Variants in PARD3B observed in about 807,000 individuals in gnomAD.
The protein encoded by PARD3B is partitioning defective 3 homolog B.
PARD3B carries 103 observed loss-of-function variants against 130.2 expected under a neutral mutation model. The ratio of observed to expected loss-of-function variants is 0.79; its 90% CI spans 0.67 to 0.93. The LOEUF (loss-of-function observed/expected upper bound fraction) is 0.93, where lower values mean the gene tolerates loss of function less well. PARD3B is among the 40% of genes least tolerant of loss of function. PARD3B has a pLI of 0.00. For missense variants in PARD3B, 1,609 were observed against 1,499.2 expected, an observed-to-expected ratio of 1.07 and a Z score of -1.21; for synonymous variants, 583 against 553.2, an observed-to-expected ratio of 1.05 and a Z score of -0.76.
chr2:205,502,573 T>G (rs2050196284), intron 21 of PARD3B, among the ~76,000 whole-genome samples: 1 of 152,100 alleles, frequency 6.6e-6, no homozygotes, highest in South Asian at 2.1e-4. Context: ...CTCCCCCAAG[T>G]CCAGAGTCTC....
chr2:205,496,945 C>T lies in PARD3B; in HGVS notation c.3045-2951C>T, dbSNP rs150034556. Among the ~76,000 whole-genome samples the T allele has an allele frequency of 9.6e-4, 145 of 151,572 alleles. 2 individuals are homozygous for T. Among genetic ancestry groups the T allele is most frequent in the African/African-American group, 3.3e-3 (138 of 41,344 alleles). The stretch of plus-strand genomic sequence containing the variant: ...ATTGAACTCATCTGGTGAGTTTGAA[C>T]GCAGCTCATGAATTTCCGTAATCGA... On this transcript the variant is annotated intron_variant, in intron 20 of 22. Transcript: ENST00000406610.
chr2:205,243,869 G>A (rs527782276), intron 15 of PARD3B, among the ~76,000 whole-genome samples: 2 of 152,264 alleles, frequency 1.3e-5, no homozygotes, highest in Admixed American at 6.5e-5. Context: ...AAAGTGCATA[G>A]CATAAAACCT....
intron 18 of PARD3B, among the ~76,000 whole-genome samples, chr2:205,390,287 A>C (rs1014257142): frequency 5.9e-5 from 9 of 151,702 alleles, no homozygotes; most frequent in African/African-American, 2.2e-4. Context: ...TATATTAGAA[A>C]GAAGAAGAAT....
At chr2:204,635,241 C>T (rs72930272) in intron 1 of PARD3B, among the ~76,000 whole-genome samples, 100 of 152,190 alleles carry the variant, frequency 6.6e-4, no homozygotes, top group African/African-American at 1.8e-3. Flanking sequence ...TTTCCTCCCC[C>T]GGACGAGGAT....
chr2:205,048,728 T>G (rs1285971976), intron 4 of PARD3B: 1 of 152,200 alleles, frequency 6.6e-6, no homozygotes, highest in African/African-American at 2.4e-5. Flanking sequence ...GAGTCACTAT[T>G]TGAAATCATT....
chr2:204,710,830 T>A (rs993737857), intron 2 of PARD3B, among the ~76,000 whole-genome samples: 1 of 152,210 alleles, frequency 6.6e-6, no homozygotes, highest in Non-Finnish European at 1.5e-5. Flanking sequence ...CTCTAATTGC[T>A]GTCACTGACA....
rs564875278 is a variant in PARD3B at position 205,572,817 on chromosome 2, C to T, written c.3260+19414C>T. 1.1e-4 allele frequency among the ~76,000 whole-genome samples: 16 copies of T among 152,132 alleles called. No homozygotes were observed. Among genetic ancestry groups the T allele is most frequent in the Non-Finnish European group, 2.2e-4 (15 of 68,030 alleles). On this transcript the variant is annotated intron_variant, in intron 22 of 22. Coordinates refer to ENST00000406610, the MANE Select transcript of PARD3B (RefSeq NM_001302769.2). The surrounding 1 kb of genome is among the most constrained non-coding windows in gnomAD (Gnocchi z 4.2). ...TGTGAAACTGTTTATGTGGTCCCTA[C>T]AAAAGATGCTGAAAGCCTGAAATGA...
chr2:205,543,910 T>C (rs1358703770), intron 21 of PARD3B, among the ~76,000 whole-genome samples: 2 of 152,210 alleles, frequency 1.3e-5, no homozygotes, highest in Non-Finnish European at 2.9e-5. Flanking sequence ...GCTAGAGAGC[T>C]TGGTCAAGGA....
At chr2:204,837,712 A>G (rs2044099367) in intron 2 of PARD3B, among the ~76,000 whole-genome samples, 2 of 152,198 alleles carry the variant, frequency 1.3e-5, no homozygotes, top group Non-Finnish European at 2.9e-5. Context: ...ACTATTCTGT[A>G]GGAAAGACCA....
At chr2:204,949,744 G>T (rs1231966709) in intron 2 of PARD3B, among the ~76,000 whole-genome samples, 1 of 152,038 alleles carries the variant, frequency 6.6e-6, no homozygotes, top group Non-Finnish European at 1.5e-5. Flanking sequence ...TACACATTCT[G>T]CTGGAAAATT....
intron 16 of PARD3B, among the ~76,000 whole-genome samples, chr2:205,282,257 A>G (rs1355827875): frequency 6.6e-6 from 1 of 152,006 alleles, no homozygotes; most frequent in Non-Finnish European, 1.5e-5. Flanking sequence ...CCAAAATAAT[A>G]TGTGATTGGA....
chr2:204,650,723 A>G lies in PARD3B; in HGVS notation c.121-35458A>G, dbSNP rs570342191. ...GACAACTGTATCAGTCCATTTTCAC[A>G]TTGCTATGAAGAACTACCTGAGATT... On this transcript the variant is annotated intron_variant, in intron 1 of 22. Coordinates refer to ENST00000406610, the MANE Select transcript of PARD3B (RefSeq NM_001302769.2). Among the ~76,000 whole-genome samples the G allele has an allele frequency of 4.6e-4, 70 of 152,312 alleles. 2 individuals carry two copies. In the South Asian group the frequency reaches 0.012, roughly 26 times the overall value.
chr2:204,925,187 C>T (rs951688538), intron 2 of PARD3B, among the ~76,000 whole-genome samples: 8 of 151,822 alleles, frequency 5.3e-5, no homozygotes, highest in African/African-American at 1.9e-4. Flanking sequence ...GGTAGAAAAC[C>T]CTGGGAAGAA....
chr2:205,456,149 C>T (rs2048266937), intron 20 of PARD3B, among the ~76,000 whole-genome samples: 1 of 152,036 alleles, frequency 6.6e-6, no homozygotes, highest in Admixed American at 6.6e-5. Flanking sequence ...TGAGTAGTAA[C>T]CCATGTATGG....
chr2:205,600,462 T>G (rs1474220597), intron 22 of PARD3B, among the ~76,000 whole-genome samples: 4 of 152,194 alleles, frequency 2.6e-5, no homozygotes, highest in African/African-American at 9.6e-5. Context: ...CTCTTTGTTG[T>G]TGGTGGTGTT....
At chr2:204,582,308 G>T (rs1158760560) in intron 1 of PARD3B, among the ~76,000 whole-genome samples, 1 of 152,154 alleles carries the variant, frequency 6.6e-6, no homozygotes, top group Non-Finnish European at 1.5e-5. Flanking sequence ...CTTTGCAGTT[G>T]ATCTGTCAGT....
At chr2:204,622,405 T>G (rs2034336698) in intron 1 of PARD3B, among the ~76,000 whole-genome samples, 1 of 152,118 alleles carries the variant, frequency 6.6e-6, no homozygotes, top group Non-Finnish European at 1.5e-5. Flanking sequence ...GATATATAGC[T>G]CATTCAGTAT....
chr2:205,489,662 T>C lies in PARD3B; in HGVS notation c.3045-10234T>C, dbSNP rs944215434. On this transcript the variant is annotated intron_variant, in intron 20 of 22. Coordinates refer to ENST00000406610, the MANE Select transcript of PARD3B (RefSeq NM_001302769.2). The stretch of plus-strand genomic sequence containing the variant: ...ACTCAAATGGGTATTTTATGACTGA[T>C]GGCAAAACTGACTTCTAAAATTTGA... Among the ~76,000 whole-genome samples, 83 of 151,904 alleles carry C rather than the reference T, an allele frequency of 5.5e-4. 1 individual carries two copies. The highest frequency in any genetic ancestry group is 8.3e-4 in the South Asian group (4 of 4,814).
At chr2:205,006,279 A>G (rs1320624248) in intron 3 of PARD3B, among the ~76,000 whole-genome samples, 1 of 152,098 alleles carries the variant, frequency 6.6e-6, no homozygotes, top group African/African-American at 2.4e-5. Context: ...AAACGTGTGT[A>G]TATGTGCCTT....
Sources: gnomAD v4.1 joint callset for allele counts (sites outside exome capture counted in the v4.1 genomes callset) on GRCh38, gnomAD v4.1.1 for gene constraint, Gnocchi (gnomAD v3.1) non-coding constraint, MANE v1.5 for transcripts, NCBI Gene and HGNC (gene_info 2026-07-23, HGNC 2026-07-21) for gene names.